The following ZCWPW2 variants were observed in gnomAD, a reference collection of about 807,000 sequenced individuals.
The protein encoded by ZCWPW2 is zinc finger CW-type and PWWP domain containing 2.
In ZCWPW2, 45 loss-of-function variants were observed where a neutral mutation model predicts 46.6. The observed-to-expected ratio is 0.96, with a 90% confidence interval of 0.76 to 1.24. The LOEUF is 1.24. Among genes scored for constraint, ZCWPW2 ranks in the 50% most tolerant of loss-of-function variants. ZCWPW2 has a pLI of 0.00. For missense variants in ZCWPW2, 429 were observed against 403.9 expected (o/e 1.06, Z -0.53); for synonymous variants, 152 against 137.1 (o/e 1.11, Z -0.76).
chr3:28,370,642 G>A (rs1705299334), intron 1 of ZCWPW2, among the ~76,000 whole-genome samples: 1 of 152,168 alleles, frequency 6.6e-6, no homozygotes. Flanking sequence ...CTGGATGTTG[G>A]TTACATGACT....
In ZCWPW2 at chr3:28,391,239, G is replaced by A. The variant is rs77950585; in HGVS notation, c.-14+622G>A. 1.3e-3 allele frequency among the ~76,000 whole-genome samples: 204 copies of A among 152,254 alleles called. 4 individuals carry two copies. The East Asian group carries it at 0.034, about 26-fold the overall frequency. On this transcript the variant is annotated intron_variant, in intron 2 of 9. Transcript: ENST00000383768. ...GATCAAAGGGTGACTGATGAAATTT[G>A]TAGTCTGATACATGGTTAAAAAGAA...
At chr3:28,358,835 T>C (rs962995334) in intron 1 of ZCWPW2, among the ~76,000 whole-genome samples, 1 of 151,432 alleles carries the variant, frequency 6.6e-6, no homozygotes, top group African/African-American at 2.4e-5. Context: ...TATCTCATTT[T>C]ACCCCCCCCA....
intron 6 of ZCWPW2, among the ~76,000 whole-genome samples, chr3:28,506,271 G>A (rs890940549): frequency 3.3e-5 from 5 of 151,700 alleles, no homozygotes; most frequent in African/African-American, 1.2e-4. Flanking sequence ...CATTAAATTA[G>A]TGCCTCAAAA....
chr3:28,443,142 C>A (rs1269703775), intron 4 of ZCWPW2, among the ~76,000 whole-genome samples: 1 of 152,182 alleles, frequency 6.6e-6, no homozygotes, highest in Admixed American at 6.5e-5. Flanking sequence ...ACCTGACCTC[C>A]ATATGCCCCT....
intron 1 of ZCWPW2, among the ~76,000 whole-genome samples, chr3:28,388,856 A>T (rs995964868): frequency 1.3e-5 from 2 of 152,040 alleles, no homozygotes; most frequent in African/African-American, 4.8e-5. Context: ...GGTTATTATA[A>T]TTTTCTCTTA....
chr3:28,387,144 C>T (rs1695307612), intron 1 of ZCWPW2, among the ~76,000 whole-genome samples: 1 of 152,194 alleles, frequency 6.6e-6, no homozygotes, highest in African/African-American at 2.4e-5. Flanking sequence ...AATACTCAAA[C>T]CAATCACTCT....
chr3:28,496,298 T>C (rs989470745), intron 6 of ZCWPW2, among the ~76,000 whole-genome samples: 1 of 152,084 alleles, frequency 6.6e-6, no homozygotes, highest in African/African-American at 2.4e-5. Flanking sequence ...ATGAAATGCA[T>C]TGATTTCACT....
At chr3:28,394,976 G>C (rs1695639390) in intron 2 of ZCWPW2, among the ~76,000 whole-genome samples, 1 of 152,110 alleles carries the variant, frequency 6.6e-6, no homozygotes, top group Admixed American at 6.5e-5. Context: ...GCAGCCTATG[G>C]AGTGGGAGAA....
chr3:28,363,671 C>G (rs115429255), intron 1 of ZCWPW2, among the ~76,000 whole-genome samples: 1,813 of 152,242 alleles, frequency 0.012, 19 homozygotes, highest in Non-Finnish European at 0.019. Flanking sequence ...CACTATTTAC[C>G]TGTGCTAGTC....
Position 28,352,569 on chromosome 3 carries a change from A to G in ZCWPW2, c.-134+3366A>G, listed in dbSNP as rs571278974. ...AACTCTTTGGCAAAATTGGTGAGTT[A>G]CAGTTGCTTTAGAAAATAATTGCAG... On this transcript the variant is annotated intron_variant, in intron 1 of 9. Transcript: ENST00000383768. Among the ~76,000 whole-genome samples the G allele has an allele frequency of 3.3e-5, 5 of 152,156 alleles. No individual in the cohort carries two copies. In the South Asian group the frequency reaches 1.0e-3, roughly 32 times the overall value.
chr3:28,353,387 G>T (rs1320195378), intron 1 of ZCWPW2, among the ~76,000 whole-genome samples: 14 of 152,108 alleles, frequency 9.2e-5, no homozygotes, highest in African/African-American at 2.7e-4. Flanking sequence ...AATATATTAT[G>T]TTGGGATAAG....
At chr3:28,361,102 AG>A (rs1281808245) in intron 1 of ZCWPW2, among the ~76,000 whole-genome samples, 1 of 152,172 alleles carries the variant, frequency 6.6e-6, no homozygotes, top group Non-Finnish European at 1.5e-5. Context: ...ATCAAAAAAA[AG>A]GTCAGAAATT....
At chr3:28,439,678 G>A (rs999662474) in intron 4 of ZCWPW2, among the ~76,000 whole-genome samples, 9 of 151,942 alleles carry the variant, frequency 5.9e-5, no homozygotes, top group East Asian at 5.8e-4. Flanking sequence ...TTGTATAATC[G>A]GAAATTCACC....
chr3:28,413,104 T>C lies in ZCWPW2; in HGVS notation c.36T>C (p.Tyr12=). The change falls in exon 3 of 10, where the codon TAT becomes TAC. Residue 12 remains tyrosine, a synonymous_variant. Coordinates refer to ENST00000383768, the MANE Select transcript of ZCWPW2 (RefSeq NM_001040432.4). ...DKEKLDVKIE[Y]CNYAMDSSVE... is the part of the protein sequence containing the mutation. ...AAAAATTGGATGTTAAGATTGAATA[T>C]TGTAACTATGCAATGGATTCCTCAG... The C allele has an allele frequency of 1.2e-6, 2 of 1,612,310 alleles. No homozygotes were observed. The highest frequency in any genetic ancestry group is 1.7e-6 in the Non-Finnish European group (2 of 1,179,016).
chr3:28,468,175 T>A (rs539533202), intron 4 of ZCWPW2, among the ~76,000 whole-genome samples: 5 of 151,748 alleles, frequency 3.3e-5, no homozygotes, highest in African/African-American at 1.2e-4. Flanking sequence ...GCAATTGACA[T>A]AGTGAAGAAA....
chr3:28,359,782 G>T (rs1704872461), intron 1 of ZCWPW2, among the ~76,000 whole-genome samples: 1 of 152,054 alleles, frequency 6.6e-6, no homozygotes, highest in Admixed American at 6.6e-5. Flanking sequence ...TATGTAAGAG[G>T]TAATTAAAGA....
At chr3:28,449,794 C>T (rs17696459) in intron 4 of ZCWPW2, among the ~76,000 whole-genome samples, 33,703 of 151,954 alleles carry the variant, frequency 0.22, 4,275 homozygotes, top group Middle Eastern at 0.29. Context: ...TTTTTTTAAG[C>T]TGATGCATGG....
chr3:28,492,805 T>C (rs191845518), intron 6 of ZCWPW2, among the ~76,000 whole-genome samples: 11 of 152,196 alleles, frequency 7.2e-5, no homozygotes, highest in African/African-American at 2.4e-4. Flanking sequence ...AGTTGGTGCC[T>C]AAAACAAATA....
intron 2 of ZCWPW2, among the ~76,000 whole-genome samples, chr3:28,406,718 G>A (rs936361848): frequency 6.6e-6 from 1 of 151,800 alleles, no homozygotes; most frequent in Non-Finnish European, 1.5e-5. Flanking sequence ...TTCCACCCTC[G>A]CCTGCTATGA....
Sources: gnomAD v4.1 joint callset for allele counts (sites outside exome capture counted in the v4.1 genomes callset) on GRCh38, gnomAD v4.1.1 for gene constraint, MANE v1.5 for transcripts, NCBI Gene and HGNC (gene_info 2026-07-23, HGNC 2026-07-21) for gene names.